FAR2: variants seen among roughly 807,000 people sequenced by gnomAD.
FAR2 encodes the protein fatty acyl-CoA reductase 2.
A neutral mutation model predicts 56.0 loss-of-function variants in FAR2; 19 were observed. The ratio of observed to expected loss-of-function variants is 0.34; its 90% CI spans 0.24 to 0.50. FAR2 has a LOEUF of 0.50. Among genes scored for constraint, FAR2 ranks in the 20% least tolerant of loss-of-function variants. The pLI is 0.98. For missense variants in FAR2, 508 were observed against 642.2 expected, an observed-to-expected ratio of 0.79 and a Z score of 2.26; for synonymous variants, 219 against 218.8, an observed-to-expected ratio of 1.00 and a Z score of -0.01.
intron 1 of FAR2, among the ~76,000 whole-genome samples, chr12:29,264,671 GA>G (rs148120195): frequency 0.33 from 48,405 of 148,208 alleles, 8,187 homozygotes; most frequent in Non-Finnish European, 0.37. Flanking sequence ...GAGAGAGAGA[GA>G]GAGGAGGAGA....
At chr12:29,258,590 C>T (rs1948366352) in intron 1 of FAR2, among the ~76,000 whole-genome samples, 1 of 152,108 alleles carries the variant, frequency 6.6e-6, no homozygotes, top group Admixed American at 6.5e-5. Context: ...ATGCCTATTG[C>T]CAGCCAAAAC....
At chr12:29,222,994 G>C (rs746684228) in intron 1 of FAR2, among the ~76,000 whole-genome samples, 1 of 152,138 alleles carries the variant, frequency 6.6e-6, no homozygotes, top group Non-Finnish European at 1.5e-5. Flanking sequence ...TAAACTCAGA[G>C]GGTAATGAAA....
At chr12:29,230,477 C>T (rs80147983) in intron 1 of FAR2, among the ~76,000 whole-genome samples, 7,666 of 151,994 alleles carry the variant, frequency 0.05, 474 homozygotes, top group African/African-American at 0.15. Context: ...CATGGGGCCA[C>T]ATTGTCCAGT....
chr12:29,324,398 T>C (rs374545446), intron 10 of FAR2, among the ~76,000 whole-genome samples: 1 of 152,038 alleles, frequency 6.6e-6, no homozygotes, highest in East Asian at 1.9e-4. Flanking sequence ...ATACAGAGAA[T>C]GCCACAAAGA....
In FAR2 at chr12:29,178,231, C is replaced by A. The variant is rs151007036; in HGVS notation, c.-39+28824C>A. Among the ~76,000 whole-genome samples the A allele has an allele frequency of 2.6e-5, 4 of 151,804 alleles. No homozygotes were observed. The South Asian group carries it at 8.3e-4, about 32-fold the overall frequency. ...GTAAAATTCATTCCCAGTACCACCA[C>A]TATTTTATGTTCTTAAAACTTACAT... On this transcript the variant is annotated intron_variant, in intron 1 of 11. Coordinates refer to ENST00000536681, the MANE Select transcript of FAR2 (RefSeq NM_001271783.2).
chr12:29,254,402 C>G (rs967400191), intron 1 of FAR2, among the ~76,000 whole-genome samples: 2 of 152,152 alleles, frequency 1.3e-5, no homozygotes, highest in Admixed American at 6.5e-5. Flanking sequence ...GGGGATCTTG[C>G]TATTTTAGGG....
chr12:29,274,744 G>C (rs4277150), intron 2 of FAR2, among the ~76,000 whole-genome samples: 99,416 of 150,080 alleles, frequency 0.66, 33,980 homozygotes, highest in African/African-American at 0.83. Flanking sequence ...CAAAATCTCC[G>C]CCACTGAGTA....
chr12:29,254,699 C>T (rs148634198), intron 1 of FAR2, among the ~76,000 whole-genome samples: 227 of 152,272 alleles, frequency 1.5e-3, no homozygotes, highest in African/African-American at 5.3e-3. Context: ...TGCCTGTAAT[C>T]CCAGCACTTT....
intron 1 of FAR2, among the ~76,000 whole-genome samples, chr12:29,173,920 C>A (rs1329075262): frequency 6.6e-6 from 1 of 152,056 alleles, no homozygotes; most frequent in Non-Finnish European, 1.5e-5. Context: ...CAAAAACCTG[C>A]ACCCTTGCCT....
chr12:29,302,620 C>T (rs1949194522), intron 4 of FAR2, among the ~76,000 whole-genome samples: 1 of 152,144 alleles, frequency 6.6e-6, no homozygotes, highest in South Asian at 2.1e-4. Context: ...GTATTTAATT[C>T]TCTATGCAGT....
intron 10 of FAR2, among the ~76,000 whole-genome samples, chr12:29,329,046 A>G (rs1949692213): frequency 6.6e-6 from 1 of 152,158 alleles, no homozygotes. Flanking sequence ...TGTCAAATAC[A>G]ATAAATATTA....
At chr12:29,262,414 T>G (rs1565493970) in intron 1 of FAR2, among the ~76,000 whole-genome samples, 1 of 152,178 alleles carries the variant, frequency 6.6e-6, no homozygotes, top group Non-Finnish European at 1.5e-5. Flanking sequence ...GCAGATCACC[T>G]GAGATCAGGA....
At position 29,215,808 on chromosome 12, in the gene FAR2, G is replaced by A. The variant is rs1228685532; in HGVS notation, c.-38-54604G>A. On this transcript the variant is annotated intron_variant, in intron 1 of 11. Transcript: ENST00000536681. ...TATAAACAAAAATAGTCATTAAATGGAATGAATATGTGATATGCACAAATT... is the reference window on the plus strand; with the variant it reads ...TATAAACAAAAATAGTCATTAAATGAAATGAATATGTGATATGCACAAATT... Among the ~76,000 whole-genome samples the A allele has an allele frequency of 2.0e-5, 3 of 152,056 alleles. No homozygotes were observed. In the East Asian group the frequency reaches 5.8e-4, roughly 29 times the overall value.
chr12:29,305,529 C>T (rs1019551668), intron 4 of FAR2, among the ~76,000 whole-genome samples: 1 of 152,122 alleles, frequency 6.6e-6, no homozygotes, highest in Non-Finnish European at 1.5e-5. Context: ...GGTTTATTGG[C>T]TCATTTTGTT....
At chr12:29,322,893 G>A (rs746356577) in intron 10 of FAR2, among the ~76,000 whole-genome samples, 10 of 152,160 alleles carry the variant, frequency 6.6e-5, no homozygotes, top group African/African-American at 2.2e-4. Flanking sequence ...TGGGTGAGGC[G>A]ACGCCTTGCC....
intron 1 of FAR2, among the ~76,000 whole-genome samples, chr12:29,262,282 G>A (rs1451593916): frequency 6.6e-6 from 1 of 151,828 alleles, no homozygotes; most frequent in Admixed American, 6.6e-5. Flanking sequence ...GCATTTGCAA[G>A]CCTCACATTA....
rs1949965231 is a variant in FAR2 at position 29,178,835 on chromosome 12, T to C, written c.-39+29428T>C. Among the ~76,000 whole-genome samples, 3 of 152,214 alleles carry C rather than the reference T, an allele frequency of 2.0e-5. No individual in the cohort carries two copies. The South Asian group carries it at 6.2e-4, about 31-fold the overall frequency. On this transcript the variant is annotated intron_variant, in intron 1 of 11. Coordinates refer to ENST00000536681, the MANE Select transcript of FAR2 (RefSeq NM_001271783.2). Reference sequence around the variant, plus strand: ...TCTTAATTTCACTGGATGAATTTGCTAGGGCTGCTACAGCAAGATACCACT... The same window carrying C: ...TCTTAATTTCACTGGATGAATTTGCCAGGGCTGCTACAGCAAGATACCACT...
At chr12:29,330,509 A>G (rs1949716397) in intron 10 of FAR2, among the ~76,000 whole-genome samples, 1 of 152,242 alleles carries the variant, frequency 6.6e-6, no homozygotes, top group Non-Finnish European at 1.5e-5. Flanking sequence ...AATAATATTT[A>G]GTTACTTTCC....
intron 10 of FAR2, among the ~76,000 whole-genome samples, chr12:29,327,222 A>T (rs1441376152): frequency 6.6e-6 from 1 of 152,218 alleles, no homozygotes; most frequent in African/African-American, 2.4e-5. Context: ...CTTCAAGGAA[A>T]ACTACAAACC....
Sources: gnomAD v4.1 joint callset for allele counts (sites outside exome capture counted in the v4.1 genomes callset) on GRCh38, gnomAD v4.1.1 for gene constraint, MANE v1.5 for transcripts, NCBI Gene and HGNC (gene_info 2026-07-23, HGNC 2026-07-21) for gene names.